The following PIK3R3 variants were observed in gnomAD, a reference collection of about 807,000 sequenced individuals.
PIK3R3 encodes the protein phosphoinositide-3-kinase regulatory subunit 3.
In PIK3R3, 64 loss-of-function variants were observed where a neutral mutation model predicts 62.9. The ratio of observed to expected loss-of-function variants is 1.02; its 90% CI spans 0.83 to 1.25. The LOEUF (loss-of-function observed/expected upper bound fraction) is 1.25. Among genes scored for constraint, PIK3R3 ranks in the 50% most tolerant of loss-of-function variants. The pLI, the probability that PIK3R3 is intolerant of heterozygous loss-of-function variation, is 0.00. For missense variants in PIK3R3, 614 were observed against 561.6 expected (o/e 1.09, Z -0.94); for synonymous variants, 165 against 189.0 (o/e 0.87, Z 1.04).
the PIK3R3 span, chr1:46,138,843 A>G: frequency 6.6e-6 from 1 of 152,240 alleles, no homozygotes; most frequent in Non-Finnish European, 1.5e-5. Flanking sequence ...TGAAAATGAT[A>G]CACTTACAGT....
At chr1:46,051,832 C>T (rs1407642189) in intron 7 of PIK3R3, among the ~76,000 whole-genome samples, 1 of 152,108 alleles carries the variant, frequency 6.6e-6, no homozygotes, top group Non-Finnish European at 1.5e-5. Flanking sequence ...ACATACATAC[C>T]TGTGATCATT....
intron 1 of PIK3R3, among the ~76,000 whole-genome samples, chr1:46,098,520 G>A (rs1357593350): frequency 6.6e-6 from 1 of 152,204 alleles, no homozygotes; most frequent in Non-Finnish European, 1.5e-5. Flanking sequence ...AAAAAGGAAT[G>A]AAGTAATGAT....
the PIK3R3 span, among the ~76,000 whole-genome samples, chr1:46,171,450 G>A: frequency 6.6e-6 from 1 of 152,206 alleles, no homozygotes; most frequent in Non-Finnish European, 1.5e-5. Context: ...GGAGGAACCA[G>A]GGGACATTCC....
At chr1:46,107,512 G>A (rs187389051) in intron 1 of PIK3R3, among the ~76,000 whole-genome samples, 11 of 152,142 alleles carry the variant, frequency 7.2e-5, no homozygotes, top group Admixed American at 3.9e-4. Context: ...CCAAGATCAC[G>A]CCACTGCACT....
At chr1:46,077,711 G>C in intron 2 of PIK3R3, 98 bp from the exon 3 acceptor site, 1 of 717,108 alleles carries the variant, frequency 1.4e-6, no homozygotes, top group Non-Finnish European at 2.5e-6. Flanking sequence ...AGGCAGCTTC[G>C]GCAGTAGGTG....
chr1:46,045,915 T>C lies in PIK3R3; in HGVS notation c.1187+3A>G. ...AAAGGTTATATCCCCAGAGAAGACT[T>C]ACACCACAGAGCAAGCATAGCATCC... On this transcript the variant is annotated splice_donor_region_variant and intron_variant, in intron 9 of 9. Coordinates refer to ENST00000262741, the MANE Select transcript of PIK3R3 (RefSeq NM_003629.4). The C allele has an allele frequency of 1.2e-6, 2 of 1,611,212 alleles. No homozygotes were observed. Among genetic ancestry groups the C allele is most frequent in the Non-Finnish European group, 1.7e-6 (2 of 1,177,790 alleles).
At chr1:46,108,601 C>G (rs942235982) in intron 1 of PIK3R3, among the ~76,000 whole-genome samples, 4 of 152,186 alleles carry the variant, frequency 2.6e-5, no homozygotes, top group Non-Finnish European at 5.9e-5. Context: ...TACATCTCTT[C>G]TCTCACAATT....
At chr1:46,168,925 A>T in the PIK3R3 span, among the ~76,000 whole-genome samples, 1 of 150,468 alleles carries the variant, frequency 6.6e-6, no homozygotes. Flanking sequence ...GGACCATTCC[A>T]CTCTCCACTC....
intron 7 of PIK3R3, among the ~76,000 whole-genome samples, chr1:46,053,092 A>G (rs1407366112): frequency 2.0e-5 from 3 of 152,178 alleles, no homozygotes; most frequent in Admixed American, 6.5e-5. Context: ...AGAAACATCA[A>G]AGCATGGACC....
chr1:46,066,266 A>G (rs750037778), intron 4 of PIK3R3, 87 bp from the exon 5 acceptor site: 2 of 883,986 alleles, frequency 2.3e-6, no homozygotes, highest in Non-Finnish European at 1.8e-6. Context: ...TTAAAGGAAA[A>G]TATCACCTCA....
rs920508282 is a variant in PIK3R3, at chr1:46,043,591, T to G, written c.*82A>C. ...CTTCTTGTGCAAAACAAGCAGTCTATGTAGAAAGAATGCCCTCATCGTAGT... is the reference window on the plus strand; with the variant it reads ...CTTCTTGTGCAAAACAAGCAGTCTAGGTAGAAAGAATGCCCTCATCGTAGT... On this transcript the variant is annotated 3_prime_UTR_variant, in exon 10 of 10. Coordinates refer to ENST00000262741, the MANE Select transcript of PIK3R3 (RefSeq NM_003629.4). 6.6e-6 allele frequency: 8 copies of G among 1,205,922 alleles called. No homozygotes were observed. Among genetic ancestry groups the G allele is most frequent in the Admixed American group, 1.8e-5 (1 of 55,434 alleles). 74.7% of individuals were successfully genotyped at this position (1,205,922 alleles called of 1,614,324 possible).
intron 1 of PIK3R3, among the ~76,000 whole-genome samples, chr1:46,102,489 A>C (rs191316955): frequency 1.3e-4 from 20 of 152,284 alleles, no homozygotes; most frequent in African/African-American, 4.6e-4. Flanking sequence ...AACCCATTAA[A>C]TACTTAAATG....
chr1:46,104,057 C>G (rs989650334), intron 1 of PIK3R3, among the ~76,000 whole-genome samples: 2 of 152,054 alleles, frequency 1.3e-5, no homozygotes, highest in African/African-American at 2.4e-5. Flanking sequence ...TCCTGCATAG[C>G]TGGGATTACA....
chr1:46,053,717 C>A (rs1647595295), intron 7 of PIK3R3, among the ~76,000 whole-genome samples: 1 of 152,102 alleles, frequency 6.6e-6, no homozygotes, highest in Non-Finnish European at 1.5e-5. Context: ...TACAAACTAC[C>A]CAATTTATGA....
chr1:46,107,777 A>G (rs189304155), intron 1 of PIK3R3, among the ~76,000 whole-genome samples: 186 of 152,354 alleles, frequency 1.2e-3, no homozygotes, highest in African/African-American at 4.3e-3. Context: ...CACTATTTAG[A>G]TAATTCATAC....
At chr1:46,071,759 A>AGAGAGAGAGAGAGCGAGC (rs777668187) in intron 3 of PIK3R3, among the ~76,000 whole-genome samples, 1 of 100,106 alleles carries the variant, frequency 1.0e-5, no homozygotes, top group Non-Finnish European at 2.1e-5. Flanking sequence ...AGAGAGAGAG[A>AGAGAGAGAGAGAGCGAGC]GCGCGCGCCT....
chr1:46,165,751 C>CTTTTTTTTTTTTTTTTTTTTTTTT, the PIK3R3 span, among the ~76,000 whole-genome samples: 2 of 39,554 alleles, frequency 5.1e-5, 1 homozygote, highest in Non-Finnish European at 9.1e-5. Flanking sequence ...CTGCTTTGTC[C>CTTTTTTTTTTTTTTTTTTTTTTTT]TTTTTTTTTT....
intron 7 of PIK3R3, among the ~76,000 whole-genome samples, chr1:46,049,134 C>A (rs1460216824): frequency 6.6e-6 from 1 of 150,512 alleles, no homozygotes. Flanking sequence ...GGTCTTGGAC[C>A]CATCTCTCTT....
intron 1 of PIK3R3, among the ~76,000 whole-genome samples, chr1:46,108,886 G>A (rs953186173): frequency 3.2e-4 from 49 of 152,120 alleles, no homozygotes; most frequent in Admixed American, 3.1e-3. Context: ...TCGGCCAGGC[G>A]CGGTGGCTCA....
Sources: gnomAD v4.1 joint callset for allele counts (sites outside exome capture counted in the v4.1 genomes callset) on GRCh38, gnomAD v4.1.1 for gene constraint, MANE v1.5 for transcripts, NCBI Gene and HGNC (gene_info 2026-07-23, HGNC 2026-07-21) for gene names.